TP63: variants seen among roughly 807,000 people sequenced by gnomAD.
The protein encoded by TP63 is tumor protein p63, also known as tumor protein 63.
TP63 carries 17 observed loss-of-function variants against 82.8 expected under a neutral mutation model. The observed-to-expected ratio is 0.21, with a 90% confidence interval of 0.14 to 0.31. TP63 has a LOEUF of 0.31. Ranked by LOEUF, TP63 falls within the 10% of genes least tolerant of loss-of-function variation. The pLI, the probability that TP63 is intolerant of heterozygous loss-of-function variation, is 1.00. For missense variants in TP63, 648 were observed against 895.3 expected (o/e 0.72, Z 3.52); for synonymous variants, 330 against 321.7 (o/e 1.03, Z -0.28).
intron 3 of TP63, among the ~76,000 whole-genome samples, chr3:189,774,502 G>T (rs1464439811): frequency 6.6e-6 from 1 of 152,152 alleles, no homozygotes; most frequent in Non-Finnish European, 1.5e-5. Flanking sequence ...ATGTGCACCT[G>T]TGTTTGAAGG....
intron 4 of TP63, among the ~76,000 whole-genome samples, chr3:189,854,528 C>T (rs775182443): frequency 2.0e-5 from 3 of 152,070 alleles, no homozygotes; most frequent in East Asian, 1.9e-4. Flanking sequence ...CCACTGCGCC[C>T]GGCCTCTCCT....
At chr3:189,784,033 G>A (rs1251355074) in intron 3 of TP63, among the ~76,000 whole-genome samples, 1 of 151,894 alleles carries the variant, frequency 6.6e-6, no homozygotes, top group African/African-American at 2.4e-5. Context: ...ATAAACACGG[G>A]AGGAAGACCA....
chr3:189,878,869 C>T (rs1719577956), intron 10 of TP63, among the ~76,000 whole-genome samples: 1 of 109,220 alleles, frequency 9.2e-6, no homozygotes, highest in Non-Finnish European at 1.9e-5. Flanking sequence ...CCTTGTGATC[C>T]CCCTGACCTT....
intron 1 of TP63, among the ~76,000 whole-genome samples, chr3:189,673,440 G>A (rs75233228): frequency 5.5e-4 from 84 of 151,846 alleles, no homozygotes; most frequent in African/African-American, 1.7e-3. Context: ...CATAAAGATT[G>A]GAAATATATA....
rs76548419 is a variant in TP63 at position 189,879,053 on chromosome 3, C to A, written c.1349+6058C>A. Among the ~76,000 whole-genome samples the A allele has an allele frequency of 4.9e-3, 746 of 152,260 alleles. 5 individuals carry two copies. Among genetic ancestry groups the A allele is most frequent in the African/African-American group, 0.016 (666 of 41,530 alleles). On this transcript the variant is annotated intron_variant, in intron 10 of 13. Coordinates refer to ENST00000264731, the MANE Select transcript of TP63 (RefSeq NM_003722.5). ...CAGATAGATTAAATTACTTTTGTAA[C>A]TTCTCTCACCTCATTGCAGAATCAG...
intron 10 of TP63, among the ~76,000 whole-genome samples, chr3:189,882,494 A>G (rs948182314): frequency 2.0e-5 from 3 of 147,686 alleles, no homozygotes; most frequent in Non-Finnish European, 4.5e-5. Flanking sequence ...GACCTTTCTC[A>G]TAACAAGGAT....
chr3:189,759,743 A>G (rs1722431549), intron 3 of TP63, among the ~76,000 whole-genome samples: 1 of 152,202 alleles, frequency 6.6e-6, no homozygotes, highest in Non-Finnish European at 1.5e-5. Context: ...TATTATGTAG[A>G]TGAAGTCTCA....
intron 1 of TP63, among the ~76,000 whole-genome samples, chr3:189,724,493 G>A (rs115453744): frequency 0.012 from 1,861 of 152,056 alleles, 25 homozygotes; most frequent in East Asian, 0.058. Flanking sequence ...CCCTTTCCCC[G>A]GCTCCCCAAA....
At chr3:189,886,316 CA>C in intron 10 of TP63, 77 bp from the exon 11 acceptor site, 1 of 1,500,452 alleles carries the variant, frequency 6.7e-7, no homozygotes, top group Non-Finnish European at 9.2e-7. Context: ...ATGTTTTAAA[CA>C]GAGACCTGTT....
chr3:189,815,069 C>T (rs569235078), intron 4 of TP63, among the ~76,000 whole-genome samples: 43 of 152,176 alleles, frequency 2.8e-4, no homozygotes, highest in African/African-American at 8.2e-4. Context: ...CTCCTCTTCC[C>T]GCATTTCTTC....
intron 4 of TP63, among the ~76,000 whole-genome samples, chr3:189,834,496 G>A (rs1712829611): frequency 6.6e-6 from 1 of 152,126 alleles, no homozygotes; most frequent in Non-Finnish European, 1.5e-5. Context: ...TCCTAATAAA[G>A]TCTATATCAG....
chr3:189,892,786 C>T (rs971020977), intron 13 of TP63, among the ~76,000 whole-genome samples: 4 of 151,982 alleles, frequency 2.6e-5, no homozygotes, highest in Non-Finnish European at 5.9e-5. Context: ...TGCAAGACTC[C>T]GTCTCAAAAA....
At position 189,870,130 on chromosome 3, in the gene TP63, C is replaced by T. The variant is rs1036824433; in HGVS notation, c.1212+724C>T. On this transcript the variant is annotated intron_variant, in intron 9 of 13. Coordinates refer to ENST00000264731, the MANE Select transcript of TP63 (RefSeq NM_003722.5). ...GCAGCATGGCCATAGAAATTTAGGC[C>T]GAAAATGTTGTCAGAAAAAGTTCAC... Among the ~76,000 whole-genome samples the T allele has an allele frequency of 7.2e-5, 11 of 151,998 alleles. No individual in the cohort carries two copies. In the East Asian group the frequency reaches 1.2e-3, roughly 16 times the overall value.
At chr3:189,864,943 C>T (rs1304369577) in intron 5 of TP63, among the ~76,000 whole-genome samples, 1 of 151,962 alleles carries the variant, frequency 6.6e-6, no homozygotes, top group African/African-American at 2.4e-5. Flanking sequence ...GGAGGCCAAG[C>T]TTGCAGTGAA....
upstream of TP63, among the ~76,000 whole-genome samples, chr3:189,626,447 A>C (rs992981364): frequency 6.6e-6 from 1 of 152,204 alleles, no homozygotes; most frequent in Non-Finnish European, 1.5e-5. Context: ...CCTGAGGTTC[A>C]GTTACCCTGA....
rs541262252 is a variant in TP63, at chr3:189,656,815, A to G, written c.62+25238A>G. Among the ~76,000 whole-genome samples the G allele has an allele frequency of 1.5e-4, 23 of 152,240 alleles. No individual in the cohort carries two copies. The South Asian group carries it at 4.8e-3, about 32-fold the overall frequency. On this transcript the variant is annotated intron_variant, in intron 1 of 13. Transcript: ENST00000264731. ...ACACTAAATGTGTATGCACCTAACAACATATCACCAAAATGTATGTCTCCA... is the reference window on the plus strand; with the variant it reads ...ACACTAAATGTGTATGCACCTAACAGCATATCACCAAAATGTATGTCTCCA...
chr3:189,852,772 G>T (rs931974856), intron 4 of TP63, among the ~76,000 whole-genome samples: 1 of 152,078 alleles, frequency 6.6e-6, no homozygotes, highest in Admixed American at 6.6e-5. Context: ...ACGGTATCTT[G>T]TGACATCCAA....
At chr3:189,776,554 A>G (rs532552271) in intron 3 of TP63, among the ~76,000 whole-genome samples, 1 of 152,360 alleles carries the variant, frequency 6.6e-6, no homozygotes, top group East Asian at 1.9e-4. Context: ...TCCTAAATTT[A>G]TCCTGAAAAC....
At chr3:189,638,339 A>G (rs1021675410) in intron 1 of TP63, among the ~76,000 whole-genome samples, 5 of 152,282 alleles carry the variant, frequency 3.3e-5, no homozygotes, top group African/African-American at 9.6e-5. Flanking sequence ...GTGAAATACA[A>G]TCCTAGACCT....
Sources: gnomAD v4.1 joint callset for allele counts (sites outside exome capture counted in the v4.1 genomes callset) on GRCh38, gnomAD v4.1.1 for gene constraint, MANE v1.5 for transcripts, NCBI Gene and HGNC (gene_info 2026-07-23, HGNC 2026-07-21) for gene names.